Variants in ANTXR2 observed in about 807,000 individuals in gnomAD.
ANTXR2 encodes the protein ANTXR cell adhesion molecule 2, also known as anthrax toxin receptor 2.
Under a neutral mutation model 73.7 loss-of-function variants are expected in ANTXR2, and 44 were observed. The observed-to-expected ratio is 0.60, with a 90% CI of 0.47 to 0.77. ANTXR2 has a LOEUF of 0.77. Ranked by LOEUF, ANTXR2 falls within the 30% of genes least tolerant of loss-of-function variation. The pLI, the probability that ANTXR2 is intolerant of heterozygous loss-of-function variation, is 0.00. For missense variants in ANTXR2, 604 were observed against 592.5 expected (o/e 1.02, Z -0.20); for synonymous variants, 217 against 205.9 (o/e 1.05, Z -0.46).
At chr4:80,048,751 A>T (rs961882231) in intron 7 of ANTXR2, among the ~76,000 whole-genome samples, 3 of 151,688 alleles carry the variant, frequency 2.0e-5, no homozygotes, top group Non-Finnish European at 4.4e-5. Context: ...AATATAAAAT[A>T]TAGTGTTAGA....
intron 7 of ANTXR2, among the ~76,000 whole-genome samples, chr4:80,053,924 A>G (rs774766428): frequency 2.0e-5 from 3 of 151,900 alleles, no homozygotes; most frequent in Non-Finnish European, 4.4e-5. Context: ...TCACACATCA[A>G]TCCAAATTTT....
chr4:79,964,462 T>C (rs1189391534), intron 16 of ANTXR2, among the ~76,000 whole-genome samples: 1 of 151,974 alleles, frequency 6.6e-6, no homozygotes, highest in Non-Finnish European at 1.5e-5. Context: ...TTAATGGAGG[T>C]TGTTTATGTG....
intron 16 of ANTXR2, among the ~76,000 whole-genome samples, chr4:79,966,127 G>GACACAC (rs10549471): frequency 0.028 from 4,169 of 149,478 alleles, 116 homozygotes; most frequent in African/African-American, 0.067. Flanking sequence ...CTAGGACTTA[G>GACACAC]ACACACACAC....
intron 6 of ANTXR2, 86 bp downstream of exon 6, chr4:80,055,064 A>C: frequency 8.1e-7 from 1 of 1,232,688 alleles, no homozygotes; most frequent in Non-Finnish European, 1.1e-6. Context: ...CAGTGTCACA[A>C]TGTCATCAGT....
intron 3 of ANTXR2, among the ~76,000 whole-genome samples, chr4:80,064,717 C>T (rs1057509834): frequency 6.6e-6 from 1 of 152,126 alleles, no homozygotes. Context: ...AGGGGCAGAT[C>T]TGCAGCAAAG....
chr4:79,957,631 A>G (rs951293332), intron 16 of ANTXR2, among the ~76,000 whole-genome samples: 1 of 152,098 alleles, frequency 6.6e-6, no homozygotes, highest in Non-Finnish European at 1.5e-5. Context: ...ATTTTGTCCA[A>G]ATAAATGGAG....
intron 10 of ANTXR2, among the ~76,000 whole-genome samples, chr4:80,028,591 T>C (rs1732545991): frequency 6.6e-6 from 1 of 152,114 alleles, no homozygotes; most frequent in Non-Finnish European, 1.5e-5. Flanking sequence ...ATTATTTAAG[T>C]GAGAGAATGA....
intron 12 of ANTXR2, among the ~76,000 whole-genome samples, chr4:79,991,763 A>C (rs1420247073): frequency 1.3e-5 from 2 of 152,152 alleles, no homozygotes; most frequent in African/African-American, 2.4e-5. Flanking sequence ...AGTGAATACT[A>C]AACAGCTATT....
rs1443717191 is a variant in ANTXR2 at position 79,903,620 on chromosome 4, ATATAT to A, written c.*3804_*3808del. 6.6e-6 allele frequency: 1 copy of A among 152,172 alleles called. No individual in the cohort carries two copies. Among genetic ancestry groups the A allele is most frequent in the Non-Finnish European group, 1.5e-5 (1 of 68,034 alleles). The allele number at this position is 152,172 out of a possible 1,614,324, so 9.4% of individuals were successfully genotyped here. On this transcript the variant is annotated 3_prime_UTR_variant, in exon 17 of 17. Coordinates refer to ENST00000403729, the MANE Select transcript of ANTXR2 (RefSeq NM_058172.6). ...GAATTAGATTCCAGTAGGTGTGGAA[ATATAT>A]TAAAGTGTTCTCAGAAATATGTCAT...
At chr4:79,963,961 A>T (rs183169004) in intron 16 of ANTXR2, among the ~76,000 whole-genome samples, 1 of 152,342 alleles carries the variant, frequency 6.6e-6, no homozygotes, top group East Asian at 1.9e-4. Context: ...CTTTATGAAT[A>T]GGAATTAGTT....
chr4:79,983,377 A>C (rs1458067154), intron 14 of ANTXR2, among the ~76,000 whole-genome samples: 1 of 152,176 alleles, frequency 6.6e-6, no homozygotes. Flanking sequence ...AATGCATTCT[A>C]TAAATGATAT....
At chr4:80,069,185 T>C (rs754945531) in intron 3 of ANTXR2, among the ~76,000 whole-genome samples, 2 of 148,224 alleles carry the variant, frequency 1.3e-5, no homozygotes, top group Admixed American at 6.7e-5. Flanking sequence ...AGGTAGGAAG[T>C]GGTGAATATA....
intron 16 of ANTXR2, among the ~76,000 whole-genome samples, chr4:79,930,717 C>T (rs1444109306): frequency 5.3e-5 from 8 of 152,156 alleles, no homozygotes; most frequent in African/African-American, 1.9e-4. Flanking sequence ...TTTAGCAGCC[C>T]CTCTGCCCCA....
chr4:80,050,231 G>T (rs1733711988), intron 7 of ANTXR2, among the ~76,000 whole-genome samples: 1 of 151,706 alleles, frequency 6.6e-6, no homozygotes, highest in Non-Finnish European at 1.5e-5. Context: ...TTGTTTCCAA[G>T]TTGTTGGCTA....
chr4:80,031,537 G>A, intron 10 of ANTXR2, 86 bp downstream of exon 10: 2 of 1,069,644 alleles, frequency 1.9e-6, no homozygotes, highest in East Asian at 3.2e-5. Context: ...AAAAAAGATA[G>A]AATAAAATGA....
At chr4:79,983,797 G>T in intron 14 of ANTXR2, 81 bp downstream of exon 14, 1 of 1,074,558 alleles carries the variant, frequency 9.3e-7, no homozygotes, top group Non-Finnish European at 1.4e-6. Flanking sequence ...ATTGAATTGT[G>T]AAAAGTAGTT....
intron 16 of ANTXR2, chr4:79,964,636 A>T (rs890292469): frequency 2.6e-5 from 4 of 152,254 alleles, no homozygotes; most frequent in African/African-American, 9.7e-5. Flanking sequence ...CAAGTTTGGG[A>T]GCGCAGCTGT....
intron 10 of ANTXR2, among the ~76,000 whole-genome samples, chr4:80,025,029 G>A (rs144501955): frequency 6.6e-6 from 1 of 152,098 alleles, no homozygotes; most frequent in African/African-American, 2.4e-5. Context: ...TCCATGCTTT[G>A]CTCCATCATT....
At chr4:80,049,428 A>G (rs1223032167) in intron 7 of ANTXR2, among the ~76,000 whole-genome samples, 1 of 151,812 alleles carries the variant, frequency 6.6e-6, no homozygotes, top group Admixed American at 6.6e-5. Flanking sequence ...GGATTTAAAG[A>G]TAATCTGAAG....
Sources: gnomAD v4.1 joint callset for allele counts (sites outside exome capture counted in the v4.1 genomes callset) on GRCh38, gnomAD v4.1.1 for gene constraint, MANE v1.5 for transcripts, NCBI Gene and HGNC (gene_info 2026-07-23, HGNC 2026-07-21) for gene names.